Variants in ZNF217 observed in about 807,000 individuals in gnomAD.
ZNF217 encodes zinc finger protein 217.
ZNF217 carries 12 observed loss-of-function variants against 73.3 expected under a neutral mutation model. The observed-to-expected ratio is 0.16, with a 90% CI of 0.10 to 0.27. The LOEUF (loss-of-function observed/expected upper bound fraction) is 0.27, where lower values mean the gene tolerates loss of function less well. Ranked by LOEUF, ZNF217 falls within the 10% of genes least tolerant of loss-of-function variation. ZNF217 has a pLI of 1.00. For missense variants in ZNF217, 1,195 were observed against 1,327.8 expected, an observed-to-expected ratio of 0.90 and a Z score of 1.55; for synonymous variants, 588 against 516.4, an observed-to-expected ratio of 1.14 and a Z score of -1.88.
chr20:53,588,943 T>C (rs1988792434), intron 1 of ZNF217, among the ~76,000 whole-genome samples: 1 of 152,192 alleles, frequency 6.6e-6, no homozygotes, highest in African/African-American at 2.4e-5. Context: ...AAAAACTCTA[T>C]ATTGATTACA....
At chr20:53,571,014 G>C (rs1987974283) in intron 5 of ZNF217, among the ~76,000 whole-genome samples, 1 of 152,186 alleles carries the variant, frequency 6.6e-6, no homozygotes, top group Non-Finnish European at 1.5e-5. Flanking sequence ...CACGTGGTCT[G>C]TCACAACTGC....
In ZNF217 at chr20:53,569,042, TC is replaced by T; in HGVS notation, c.*245del. 1 of 988,586 alleles carries T rather than the reference TC, an allele frequency of 1.0e-6. No individual in the cohort carries two copies. The allele number at this position is 988,586 out of a possible 1,614,324, so 61.2% of individuals were successfully genotyped here. On this transcript the variant is annotated 3_prime_UTR_variant, in exon 6 of 6. Transcript: ENST00000371471. ...TCAGGGACAAAATAGAGATTTCCAG[TC>T]CCCATGTATGTAAGTTCCAACTGTT...
upstream of ZNF217, chr20:53,593,959 C>G (rs1988981984): frequency 6.6e-6 from 1 of 151,734 alleles, no homozygotes; most frequent in Non-Finnish European, 1.5e-5. Flanking sequence ...CGCACCCGGC[C>G]CCCCAAAAGA....
At chr20:53,597,078 CAT>C (rs1989052817), upstream of ZNF217, among the ~76,000 whole-genome samples, 1 of 53,200 alleles carries the variant, frequency 1.9e-5, no homozygotes, top group Non-Finnish European at 3.3e-5. Context: ...GATCTAGTAA[CAT>C]AACAAAAAAA....
At chr20:53,571,116 G>T (rs1987979533) in intron 5 of ZNF217, among the ~76,000 whole-genome samples, 2 of 152,164 alleles carry the variant, frequency 1.3e-5, no homozygotes, top group Non-Finnish European at 2.9e-5. Context: ...TGATGATGAT[G>T]CATGAAAAGC....
chr20:53,595,995 T>C (rs1412301855), upstream of ZNF217, among the ~76,000 whole-genome samples: 1 of 152,124 alleles, frequency 6.6e-6, no homozygotes, highest in African/African-American at 2.4e-5. Context: ...TAGTTAAAAA[T>C]TCTAGTGTCA....
Position 53,582,811 on chromosome 20 carries a change from T to A in ZNF217, c.16A>T (p.Thr6Ser), listed in dbSNP as rs777329713. 1.4e-5 allele frequency: 23 copies of A among 1,601,330 alleles called. No homozygotes were observed. Among genetic ancestry groups the A allele is most frequent in the Non-Finnish European group, 1.3e-5 (15 of 1,172,102 alleles). The stretch of plus-strand genomic sequence containing the variant: ...AGGGATTGAGTTGGCATGTTTCCTG[T>A]CACTTTCGATTGCATATAATCTCAA... Reference protein sequence around the residue: MQSKVTGNMPTQSLLM... With the variant: MQSKVSGNMPTQSLLM... Residue 6 changes from threonine (T) to serine (S), a missense_variant, in exon 2 of 6, where the codon ACA becomes TCA. Coordinates refer to ENST00000371471, the MANE Select transcript of ZNF217 (RefSeq NM_006526.3). This position sits in a 1 kb window ranked among gnomAD's most constrained non-coding sequence, Gnocchi z 4.8.
intron 1 of ZNF217, among the ~76,000 whole-genome samples, chr20:53,587,403 C>T (rs1988733586): frequency 2.0e-5 from 3 of 152,294 alleles, no homozygotes; most frequent in Middle Eastern, 3.4e-3. Flanking sequence ...ACAACAGCCA[C>T]TTTGCTGACA....
intron 1 of ZNF217, among the ~76,000 whole-genome samples, chr20:53,586,160 GT>G (rs1988685425): frequency 6.6e-6 from 1 of 152,020 alleles, no homozygotes; most frequent in Admixed American, 6.6e-5. Context: ...CTGTTGCCTT[GT>G]CCACTGCTGC....
intron 1 of ZNF217, 72 bp from the exon 2 acceptor site, chr20:53,583,240 G>C (rs1024513637): frequency 3.0e-5 from 12 of 402,268 alleles, no homozygotes; most frequent in Admixed American, 2.1e-4. Context: ...TGAGTCATAC[G>C]GTCTTTTCCA....
rs1330395516 is a variant in ZNF217 at position 53,582,512 on chromosome 20, G to A, written c.315C>T (p.Leu105=). ...PAVLRVEAEY[L]SPLDKSQVRT... is the part of the protein sequence containing the mutation. ...GCACTTGACTTTTATCAAGCGGACTGAGATACTCTGCTTCAACCCGAAGAA... is the reference window on the plus strand; with the variant it reads ...GCACTTGACTTTTATCAAGCGGACTAAGATACTCTGCTTCAACCCGAAGAA... Residue 105 remains leucine, a synonymous_variant, in exon 2 of 6, where the codon CTC becomes CTT. Coordinates refer to ENST00000371471, the MANE Select transcript of ZNF217 (RefSeq NM_006526.3). The surrounding 1 kb of genome is among the most constrained non-coding windows in gnomAD (Gnocchi z 4.8). The A allele has an allele frequency of 6.2e-7, 1 of 1,614,170 alleles. No individual in the cohort carries two copies. Among genetic ancestry groups the A allele is most frequent in the East Asian group, 2.2e-5 (1 of 44,884 alleles).
intron 1 of ZNF217, among the ~76,000 whole-genome samples, chr20:53,585,738 A>G (rs1010418077): frequency 2.6e-5 from 4 of 152,174 alleles, no homozygotes; most frequent in African/African-American, 9.7e-5. Context: ...ACAATGAAGG[A>G]GGTTCAGTGG....
chr20:53,587,942 G>T (rs1292793272), intron 1 of ZNF217, among the ~76,000 whole-genome samples: 1 of 151,584 alleles, frequency 6.6e-6, no homozygotes, highest in Admixed American at 6.6e-5. Flanking sequence ...ATTACTAGGG[G>T]TCACACCCAT....
rs561463262 is a variant in ZNF217 at position 53,567,518 on chromosome 20, C to G, written c.*1770G>C. On this transcript the variant is annotated 3_prime_UTR_variant, in exon 6 of 6. Transcript: ENST00000371471. Reference sequence around the variant, plus strand: ...AATTCCAGCCCTCTATTATCACATACCCCCTTTAAGATTTATGGTTCTAGT... The same window carrying G: ...AATTCCAGCCCTCTATTATCACATAGCCCCTTTAAGATTTATGGTTCTAGT... 1 of 152,656 alleles carries G rather than the reference C, an allele frequency of 6.6e-6. No individual in the cohort carries two copies. The highest frequency in any genetic ancestry group is 1.9e-4 in the East Asian group (1 of 5,190). 9.5% of individuals were successfully genotyped at this position (152,656 alleles called of 1,614,324 possible).
chr20:53,574,328 G>T (rs867291054), intron 4 of ZNF217: 4 of 152,166 alleles, frequency 2.6e-5, no homozygotes, highest in Admixed American at 1.3e-4. Context: ...CTCTTTAATC[G>T]GAAGTTCTTT....
chr20:53,579,947 A>G (rs541846935), intron 2 of ZNF217, among the ~76,000 whole-genome samples: 14 of 152,314 alleles, frequency 9.2e-5, no homozygotes, highest in African/African-American at 3.4e-4. Context: ...GATCTAGCCC[A>G]TGTTTTCCAC....
In ZNF217 at chr20:53,577,021, A is replaced by G. The variant is rs747606027; in HGVS notation, c.1743T>C (p.Ser581=). The change falls in exon 4 of 6, where the codon TCT becomes TCC. Residue 581 remains serine, a synonymous_variant. Coordinates refer to ENST00000371471, the MANE Select transcript of ZNF217 (RefSeq NM_006526.3). ...PPAKQLKEMP[S]VFQNVLGSAV... ...CGCTGCCCAGAACATTCTGAAAAAC[A>G]GAAGGCATCTCCTTAAGCTGCTTTG... The G allele has an allele frequency of 3.1e-6, 5 of 1,614,258 alleles. No homozygotes were observed. In the South Asian group the frequency reaches 5.5e-5, roughly 18 times the overall value.
At chr20:53,569,351 G>C in intron 5 of ZNF217, 87 bp from the exon 6 acceptor site, 1 of 937,268 alleles carries the variant, frequency 1.1e-6, no homozygotes, top group Non-Finnish European at 1.4e-6. Context: ...GTAATACATA[G>C]AACCAAACTG....
chr20:53,582,734 C>G lies in ZNF217; in HGVS notation c.93G>C (p.Pro31=), dbSNP rs760785621. 1.2e-6 allele frequency: 2 copies of G among 1,614,132 alleles called. No homozygotes were observed. Residue 31 remains proline (P), a synonymous_variant, in exon 2 of 6, where the codon CCG becomes CCC. Coordinates refer to ENST00000371471, the MANE Select transcript of ZNF217 (RefSeq NM_006526.3). This position sits in a 1 kb window ranked among gnomAD's most constrained non-coding sequence, Gnocchi z 4.8. ...TTGACAAGGCATCCTCCATCTCCAT[C>G]GGACTGCCAAGAGAGCTGCCAATCA... is the stretch of plus-strand genomic sequence containing the variant. ...PEVIGSSLGS[P]MEMEDALSMK... is the part of the protein sequence containing the mutation.
Sources: allele counts gnomAD v4.1 joint callset (sites outside exome capture counted in the v4.1 genomes callset), GRCh38; gene constraint gnomAD v4.1.1; non-coding constraint Gnocchi (gnomAD v3.1); transcripts MANE v1.5; gene names NCBI Gene and HGNC (gene_info 2026-07-23, HGNC 2026-07-21).